The following TYW1 variants were observed in gnomAD, a reference collection of about 807,000 sequenced individuals.
TYW1 encodes the protein tRNA-yW synthesizing protein 1 homolog, also known as S-adenosyl-L-methionine-dependent tRNA 4-demethylwyosine synthase TYW1.
TYW1 carries 46 observed loss-of-function variants against 96.2 expected under a neutral mutation model. That is an observed-to-expected ratio of 0.48 (90% CI 0.38 to 0.61). The LOEUF (loss-of-function observed/expected upper bound fraction) is 0.61. Among genes scored for constraint, TYW1 ranks in the 20% least tolerant of loss-of-function variants. The pLI is 0.00. For missense variants in TYW1, 684 were observed against 909.6 expected (o/e 0.75, Z 3.19); for synonymous variants, 274 against 323.0 (o/e 0.85, Z 1.63).
In TYW1 at chr7:67,167,013, T is replaced by C. The variant is rs537062638; in HGVS notation, c.1699-16113T>C. ...TTTCTTTTGCATTGTCTTTTTCTTA[T>C]TGGTTTATAGGATTTTTAAATGTAT... is the stretch of plus-strand genomic sequence containing the variant. On this transcript the variant is annotated intron_variant, in intron 13 of 15. Transcript: ENST00000359626. Among the ~76,000 whole-genome samples, 6 of 152,294 alleles carry C rather than the reference T, an allele frequency of 3.9e-5. No homozygotes were observed. The South Asian group carries it at 1.2e-3, about 32-fold the overall frequency.
chr7:67,211,294 A>G (rs1045576808), intron 15 of TYW1, among the ~76,000 whole-genome samples: 1 of 151,802 alleles, frequency 6.6e-6, no homozygotes, highest in African/African-American at 2.4e-5. Flanking sequence ...TGACTTTATG[A>G]TAGTGTGAAA....
At chr7:67,057,014 CTT>C (rs1468738617) in intron 9 of TYW1, among the ~76,000 whole-genome samples, 4 of 145,092 alleles carry the variant, frequency 2.8e-5, no homozygotes, top group African/African-American at 7.6e-5. Context: ...TGAGTTTTTT[CTT>C]TTCTTTTTTT....
intron 15 of TYW1, among the ~76,000 whole-genome samples, chr7:67,225,698 T>C (rs1801540520): frequency 6.6e-6 from 1 of 150,690 alleles, no homozygotes; most frequent in African/African-American, 2.5e-5. Flanking sequence ...TCAGAGGAAA[T>C]TGGCATTTTG....
intron 6 of TYW1, among the ~76,000 whole-genome samples, chr7:67,019,743 G>T (rs1189940423): frequency 4.6e-5 from 7 of 152,282 alleles, no homozygotes; most frequent in Admixed American, 4.6e-4. Context: ...GTTACAAGCA[G>T]GTTTTTAAAA....
At chr7:67,011,994 A>G (rs1793819662) in intron 4 of TYW1, among the ~76,000 whole-genome samples, 1 of 152,122 alleles carries the variant, frequency 6.6e-6, no homozygotes, top group Non-Finnish European at 1.5e-5. Context: ...ACTGAGGCAC[A>G]AAACAGCCAT....
intron 13 of TYW1, among the ~76,000 whole-genome samples, chr7:67,133,630 GAAAAA>G (rs942054409): frequency 8.2e-6 from 1 of 122,450 alleles, no homozygotes; most frequent in Non-Finnish European, 1.7e-5. Flanking sequence ...AAAAAAAAAA[GAAAAA>G]AAAAAGTTTT....
chr7:67,029,321 G>A (rs1052595248), intron 7 of TYW1, among the ~76,000 whole-genome samples: 2 of 94,322 alleles, frequency 2.1e-5, no homozygotes, highest in African/African-American at 3.7e-5. Flanking sequence ...AAATGATGTG[G>A]ACTTAAGATT....
At chr7:67,047,730 C>G (rs1332891385) in intron 7 of TYW1, among the ~76,000 whole-genome samples, 3 of 145,126 alleles carry the variant, frequency 2.1e-5, no homozygotes, top group African/African-American at 7.6e-5. Flanking sequence ...CCTGAAGTAA[C>G]AGAGAATGTA....
chr7:67,178,739 A>G (rs1272864550), intron 13 of TYW1, among the ~76,000 whole-genome samples: 1 of 151,966 alleles, frequency 6.6e-6, no homozygotes, highest in Non-Finnish European at 1.5e-5. Context: ...CTAGACTATT[A>G]TGTTAAAGTC....
At chr7:67,146,792 T>C (rs973229932) in intron 13 of TYW1, among the ~76,000 whole-genome samples, 12 of 152,228 alleles carry the variant, frequency 7.9e-5, no homozygotes, top group African/African-American at 2.7e-4. Context: ...TGATTGTAGG[T>C]GAACCAGAGG....
At chr7:67,022,942 C>T (rs564043589) in intron 6 of TYW1, among the ~76,000 whole-genome samples, 31 of 152,274 alleles carry the variant, frequency 2.0e-4, no homozygotes, top group African/African-American at 7.2e-4. Flanking sequence ...TCATCTGGCA[C>T]AGGACAGGCG....
At chr7:67,166,162 T>C (rs1463448380) in intron 13 of TYW1, among the ~76,000 whole-genome samples, 5 of 150,674 alleles carry the variant, frequency 3.3e-5, no homozygotes, top group Admixed American at 2.0e-4. Flanking sequence ...TAGGATAATC[T>C]TTTGAGGAGC....
At chr7:67,035,351 A>T (rs529554090) in intron 7 of TYW1, among the ~76,000 whole-genome samples, 1 of 152,030 alleles carries the variant, frequency 6.6e-6, no homozygotes, top group Admixed American at 6.6e-5. Context: ...TCCTGGCCTC[A>T]AATGATCACC....
chr7:67,054,735 T>C (rs1412806415), intron 8 of TYW1, among the ~76,000 whole-genome samples: 2 of 152,220 alleles, frequency 1.3e-5, no homozygotes, highest in Non-Finnish European at 2.9e-5. Flanking sequence ...TGAGAGCGAC[T>C]CATGATAATT....
At chr7:67,053,685 T>C (rs1795432464) in intron 8 of TYW1, among the ~76,000 whole-genome samples, 1 of 152,144 alleles carries the variant, frequency 6.6e-6, no homozygotes, top group Non-Finnish European at 1.5e-5. Context: ...CCATCCCATT[T>C]GGGATAGTTT....
At chr7:67,078,067 A>T (rs1049326552) in intron 10 of TYW1, among the ~76,000 whole-genome samples, 1 of 151,128 alleles carries the variant, frequency 6.6e-6, no homozygotes, top group Non-Finnish European at 1.5e-5. Flanking sequence ...CTTTGGTTAC[A>T]GTAGGTTTAT....
intron 15 of TYW1, among the ~76,000 whole-genome samples, chr7:67,214,955 G>A (rs1801157849): frequency 6.6e-6 from 1 of 151,144 alleles, no homozygotes; most frequent in Non-Finnish European, 1.5e-5. Flanking sequence ...TTGTTCTGTG[G>A]TTTTCCTTTC....
chr7:67,070,088 A>G (rs1795986952), intron 10 of TYW1, among the ~76,000 whole-genome samples: 1 of 152,126 alleles, frequency 6.6e-6, no homozygotes, highest in South Asian at 2.1e-4. Context: ...TTCTGCTGAG[A>G]AATTGGCTGT....
intron 5 of TYW1, among the ~76,000 whole-genome samples, chr7:67,016,115 A>G (rs1314916893): frequency 6.6e-6 from 1 of 151,564 alleles, no homozygotes; most frequent in Admixed American, 6.6e-5. Flanking sequence ...CCTGTTCTCT[A>G]CACTTGAAAA....
Sources: allele counts gnomAD v4.1 joint callset (sites outside exome capture counted in the v4.1 genomes callset), GRCh38; gene constraint gnomAD v4.1.1; transcripts MANE v1.5; gene names NCBI Gene and HGNC (gene_info 2026-07-23, HGNC 2026-07-21).